Variants in NCOR2 observed in about 807,000 individuals in gnomAD.
NCOR2 encodes the protein CTG repeat protein 26.
In NCOR2, 81 loss-of-function variants were observed where a neutral mutation model predicts 262.9. That is an observed-to-expected ratio of 0.31 (90% confidence interval 0.26 to 0.37). The LOEUF (loss-of-function observed/expected upper bound fraction) is 0.37. Among genes scored for constraint, NCOR2 ranks in the 10% least tolerant of loss-of-function variants. The probability of loss-of-function intolerance (pLI) is 1.00; values close to 1 mark genes in which losing one functional copy is unlikely to be tolerated. For missense variants in NCOR2, 3,385 were observed against 3,621.4 expected (o/e 0.93, Z 1.68); for synonymous variants, 1,659 against 1,559.3 (o/e 1.06, Z -1.51).
At chr12:124,469,169 T>C (rs2136673720) in intron 4 of NCOR2, among the ~76,000 whole-genome samples, 1 of 152,206 alleles carries the variant, frequency 6.6e-6, no homozygotes. Flanking sequence ...CATTCTGCAA[T>C]GTGACAGGGC....
chr12:124,455,427 C>A (rs528713088), intron 6 of NCOR2, among the ~76,000 whole-genome samples: 1 of 152,166 alleles, frequency 6.6e-6, no homozygotes, highest in Non-Finnish European at 1.5e-5. Flanking sequence ...GGGAGCCCAG[C>A]GAGGTTCCTG....
chr12:124,476,629 C>T (rs1231777291), intron 3 of NCOR2, among the ~76,000 whole-genome samples: 1 of 152,200 alleles, frequency 6.6e-6, no homozygotes, highest in Non-Finnish European at 1.5e-5. Context: ...CAACCACTAG[C>T]AACACTTGGA....
At chr12:124,334,424 C>T in exon 41 of NCOR2, 1 of 1,510,006 alleles carries the variant, frequency 6.6e-7, no homozygotes, top group Non-Finnish European at 8.8e-7. Context: ...CCTCGCTCAC[C>T]TCTTGCCCCC....
intron 20 of NCOR2, among the ~76,000 whole-genome samples, chr12:124,366,467 G>A (rs1212829159): frequency 1.3e-5 from 2 of 152,152 alleles, no homozygotes; most frequent in African/African-American, 4.8e-5. Context: ...GATGGGCATA[G>A]GGTTTCTTTC....
upstream of NCOR2, among the ~76,000 whole-genome samples, chr12:124,496,380 T>C (rs2048381937): frequency 2.0e-5 from 3 of 152,056 alleles, no homozygotes; most frequent in Admixed American, 2.0e-4. This position sits in a 1 kb window ranked among gnomAD's most constrained non-coding sequence, Gnocchi z 4.4. Context: ...CATCAGGTCC[T>C]GCCTCATGCA....
At chr12:124,354,375 C>T (rs2037774500) in intron 26 of NCOR2, 103 bp downstream of exon 28, 4 of 1,247,814 alleles carry the variant, frequency 3.2e-6, no homozygotes, top group Non-Finnish European at 3.3e-6. Flanking sequence ...GCCCCCAGAC[C>T]CTCTGGGAGA....
upstream of NCOR2, among the ~76,000 whole-genome samples, chr12:124,498,330 C>A (rs77758306): frequency 6.6e-6 from 1 of 152,174 alleles, no homozygotes; most frequent in Non-Finnish European, 1.5e-5. Flanking sequence ...TAAAGTGCCC[C>A]GCAGCTGGCT....
At chr12:124,368,233 C>A (rs945290433) in intron 20 of NCOR2, among the ~76,000 whole-genome samples, 1 of 152,226 alleles carries the variant, frequency 6.6e-6, no homozygotes, top group Admixed American at 6.5e-5. Flanking sequence ...GCCACCTTCT[C>A]CTCACTGTCA....
intron 22 of NCOR2, among the ~76,000 whole-genome samples, chr12:124,359,738 G>GCGGCC (rs1421634659): frequency 6.6e-6 from 1 of 152,270 alleles, no homozygotes; most frequent in Non-Finnish European, 1.5e-5. Flanking sequence ...GGCTGGGCGG[G>GCGGCC]CGGCCGAGAG....
Position 124,517,085 on chromosome 12 carries a change from G to A in NCOR2, c.-118+18480C>T, listed in dbSNP as rs1040179200. ...CCCTAAAACTGCAGCTCCTTCTCCC[G>A]TCAGTCCCATGCTTGTGTAGACCCC... On this transcript the variant is annotated intron_variant, in intron 1 of 46. Transcript: ENST00000404621. This position sits in a 1 kb window ranked among gnomAD's most constrained non-coding sequence, Gnocchi z 7.6. Among the ~76,000 whole-genome samples, 1 of 151,910 alleles carries A rather than the reference G, an allele frequency of 6.6e-6. No homozygotes were observed. The highest frequency in any genetic ancestry group is 2.4e-5 in the African/African-American group (1 of 41,340).
chr12:124,346,741 G>T, exon 31 of NCOR2: 1 of 1,560,192 alleles, frequency 6.4e-7, no homozygotes, highest in Admixed American at 1.9e-5. Flanking sequence ...TGTAGGCCTC[G>T]GTCAGGTCCC....
chr12:124,540,219 G>GAGGGAGGGC (rs1037702645), upstream of NCOR2, among the ~76,000 whole-genome samples: 11 of 149,300 alleles, frequency 7.4e-5, no homozygotes, highest in South Asian at 2.2e-4. Context: ...GCAGTGGTGG[G>GAGGGAGGGC]AGGGAGGGCA....
chr12:124,547,850 C>T (rs1031566018), intron 1 of NCOR2, among the ~76,000 whole-genome samples: 6 of 152,170 alleles, frequency 3.9e-5, no homozygotes, highest in Non-Finnish European at 5.9e-5. Flanking sequence ...TACTTCATTC[C>T]TTTTCATGGC....
intron 23 of NCOR2, among the ~76,000 whole-genome samples, 163 bp from the exon 26 acceptor site, chr12:124,355,734 C>T (rs1035952976): frequency 1.3e-5 from 2 of 152,100 alleles, no homozygotes; most frequent in African/African-American, 4.8e-5. Flanking sequence ...ATTAGTGACC[C>T]GAGTCCTAGG....
chr12:124,356,707 G>A lies in NCOR2; in HGVS notation c.3176C>T (p.Pro1059Leu), dbSNP rs200662620. 12 of 1,496,178 alleles carry A rather than the reference G, an allele frequency of 8.0e-6. No homozygotes were observed. Among genetic ancestry groups the A allele is most frequent in the Middle Eastern group, 1.7e-4 (1 of 5,754 alleles). The allele number at this position is 1,496,178 out of a possible 1,614,324, so 92.7% of individuals were successfully genotyped here. A position where few individuals can be genotyped will look rare whatever the true frequency, so the allele number is the denominator to read the frequency against. The change falls in exon 23 of 47, where the codon CCC becomes CTC. Residue 1059 changes from proline to leucine, a missense_variant. Around this residue, in one of 5 missense-constraint regions of NCOR2, gnomAD observed 1,615 missense variants for 1,626.9 expected, o/e 0.99. Coordinates refer to ENST00000405201, the Ensembl canonical transcript of NCOR2. Reference sequence around the variant, plus strand: ...CGGGGAGGCCTTGATCACCTCACGGGGGGGCACGGGGAAGGGCAGGCCGGA... The same window carrying A: ...CGGGGAGGCCTTGATCACCTCACGGAGGGGCACGGGGAAGGGCAGGCCGGA...
chr12:124,390,927 G>C (rs1394621643), intron 16 of NCOR2, among the ~76,000 whole-genome samples: 1 of 152,284 alleles, frequency 6.6e-6, no homozygotes, highest in Admixed American at 6.5e-5. Context: ...GCCGAGTGGA[G>C]AGCCAGGCGC....
At chr12:124,518,460 C>T (rs1333282306) in intron 1 of NCOR2, among the ~76,000 whole-genome samples, 1 of 152,226 alleles carries the variant, frequency 6.6e-6, no homozygotes, top group Non-Finnish European at 1.5e-5. Context: ...CCCCCAAACC[C>T]GGGCAGGCCA....
chr12:124,348,239 G>C (rs760303332), exon 29 of NCOR2: 3 of 1,613,244 alleles, frequency 1.9e-6, no homozygotes, highest in Non-Finnish European at 8.5e-7. Flanking sequence ...GGTGCGCTTG[G>C]GGGCGGCCGT....
intron 3 of NCOR2, among the ~76,000 whole-genome samples, chr12:124,474,747 A>C (rs539145320): frequency 6.6e-6 from 1 of 152,242 alleles, no homozygotes; most frequent in African/African-American, 2.4e-5. Flanking sequence ...GCATACCGTA[A>C]GCCTCAATAA....
Sources: allele counts gnomAD v4.1 joint callset (sites outside exome capture counted in the v4.1 genomes callset), GRCh38; gene constraint gnomAD v4.1.1; regional missense constraint gnomAD v4.1.1; non-coding constraint Gnocchi (gnomAD v3.1); transcripts MANE v1.5; gene names NCBI Gene and HGNC (gene_info 2026-07-23, HGNC 2026-07-21).